The following KCNU1 variants were observed in gnomAD, a reference collection of about 807,000 sequenced individuals.
The protein encoded by KCNU1 is potassium calcium-activated channel subfamily U member 1.
KCNU1 carries 93 observed loss-of-function variants against 126.8 expected under a neutral mutation model. The ratio of observed to expected loss-of-function variants is 0.73; its 90% CI spans 0.62 to 0.87. The LOEUF (loss-of-function observed/expected upper bound fraction) is 0.87. Ranked by LOEUF, KCNU1 falls within the 40% of genes least tolerant of loss-of-function variation. KCNU1 has a pLI of 0.00. For missense variants in KCNU1, 1,330 were observed against 1,367.1 expected, an observed-to-expected ratio of 0.97 and a Z score of 0.43; for synonymous variants, 523 against 494.2, an observed-to-expected ratio of 1.06 and a Z score of -0.77.
intron 19 of KCNU1, among the ~76,000 whole-genome samples, chr8:36,889,775 G>A (rs878878558): frequency 3.3e-5 from 5 of 151,864 alleles, no homozygotes; most frequent in Admixed American, 3.3e-4. Context: ...GGAAAGCTCA[G>A]AAAACAGGTA....
chr8:36,825,403 T>G (rs1804281556), intron 10 of KCNU1, among the ~76,000 whole-genome samples: 1 of 152,178 alleles, frequency 6.6e-6, no homozygotes, highest in Non-Finnish European at 1.5e-5. Context: ...TAAGCTTATT[T>G]CATGTTATAA....
chr8:36,907,522 G>T (rs1033785397), intron 20 of KCNU1, among the ~76,000 whole-genome samples: 2 of 152,126 alleles, frequency 1.3e-5, no homozygotes, highest in Admixed American at 1.3e-4. Flanking sequence ...TAATAGATTT[G>T]GTTAAGATTC....
At chr8:36,848,813 C>T (rs750406871) in intron 18 of KCNU1, among the ~76,000 whole-genome samples, 1 of 152,014 alleles carries the variant, frequency 6.6e-6, no homozygotes, top group Admixed American at 6.6e-5. Flanking sequence ...TCTCCTTGCA[C>T]GTCAGACAAA....
chr8:36,905,652 T>C, intron 19 of KCNU1, 56 bp from the exon 20 acceptor site: 2 of 935,224 alleles, frequency 2.1e-6, no homozygotes, highest in South Asian at 2.6e-5. Context: ...CATCTCGGCT[T>C]TGTTACAGAG....
At chr8:36,854,108 C>A (rs1299669937) in intron 18 of KCNU1, among the ~76,000 whole-genome samples, 1 of 152,130 alleles carries the variant, frequency 6.6e-6, no homozygotes, top group African/African-American at 2.4e-5. Flanking sequence ...GTCATCCTTT[C>A]TACACGATGA....
chr8:36,830,267 T>G (rs1338712989), intron 10 of KCNU1, among the ~76,000 whole-genome samples: 2 of 151,654 alleles, frequency 1.3e-5, no homozygotes, highest in Non-Finnish European at 2.9e-5. Flanking sequence ...AAAAGAGCAG[T>G]GATGATATCT....
intron 19 of KCNU1, among the ~76,000 whole-genome samples, chr8:36,873,109 A>G (rs79786939): frequency 0.017 from 2,604 of 152,180 alleles, 85 homozygotes; most frequent in African/African-American, 0.059. Context: ...CAAACAAACA[A>G]AAAACCCCAA....
chr8:36,845,956 G>A lies in KCNU1; in HGVS notation c.1891+57G>A, dbSNP rs1265378997. 9.9e-6 allele frequency: 10 copies of A among 1,010,900 alleles called. No homozygotes were observed. The Admixed American group carries it at 1.2e-4, about 13-fold the overall frequency. The allele number at this position is 1,010,900 out of a possible 1,614,324, so 62.6% of individuals were successfully genotyped here. A position where few individuals can be genotyped will look rare whatever the true frequency, so the allele number is the denominator to read the frequency against. Reference sequence around the variant, plus strand: ...CCCAGCCTCTAGGGAGCTGCCTGACGAAAGAGAAGAGGGTTCCATCTCTTA... The same window carrying A: ...CCCAGCCTCTAGGGAGCTGCCTGACAAAAGAGAAGAGGGTTCCATCTCTTA... On this transcript the variant is annotated intron_variant, in intron 18 of 26. Coordinates refer to ENST00000399881, the MANE Select transcript of KCNU1 (RefSeq NM_001031836.3).
chr8:36,792,568 C>T (rs1164513293), intron 2 of KCNU1, among the ~76,000 whole-genome samples: 2 of 152,160 alleles, frequency 1.3e-5, no homozygotes, highest in African/African-American at 2.4e-5. Flanking sequence ...TCCACATGCT[C>T]GTTTTCCTTT....
At chr8:36,847,902 A>T (rs979790574) in intron 18 of KCNU1, among the ~76,000 whole-genome samples, 1 of 152,204 alleles carries the variant, frequency 6.6e-6, no homozygotes, top group Non-Finnish European at 1.5e-5. Flanking sequence ...TTTCCATAGC[A>T]GCTATACTAA....
chr8:36,904,294 C>A (rs1258274700), intron 19 of KCNU1, among the ~76,000 whole-genome samples: 1 of 152,136 alleles, frequency 6.6e-6, no homozygotes, highest in African/African-American at 2.4e-5. Context: ...CCCACTGGAG[C>A]AGCTAGGCTA....
chr8:36,922,630 G>A lies in KCNU1; in HGVS notation c.2736+1G>A, dbSNP rs767005008. On this transcript the variant is annotated splice_donor_variant, in intron 24 of 26. Transcript: ENST00000399881. LOFTEE classifies it high-confidence loss of function. ...CTTCTTGGATTCTCTGCTGGCCACG[G>A]TAAGAAAAGCTAAGCCATGGAGCCC... 6.2e-7 allele frequency: 1 copy of A among 1,612,292 alleles called. No homozygotes were observed.
In KCNU1 at chr8:36,864,515, C is replaced by T. The variant is rs1363596089; in HGVS notation, c.2003C>T (p.Thr668Ile). Residue 668 changes from threonine (T) to isoleucine (I), a missense_variant, in exon 19 of 27, where the codon ACC becomes ATC. Physicochemically the swap from Thr to Ile is moderately conservative, Grantham distance 89. This residue lies in a region of KCNU1 where 1,054 missense variants were observed against 1,053.9 expected (regional missense o/e 1.00). Transcript: ENST00000399881. ...AGCACTTCGAGCATATCAAACTTCA[C>T]CACCAGGTAAAAGCTGCAGAGAACC... ...SASTSSISNF[T>I]TRTLQHDVEQ... is the part of the protein sequence containing the mutation. 1 of 1,595,822 alleles carries T rather than the reference C, an allele frequency of 6.3e-7. No homozygotes were observed. The highest frequency in any genetic ancestry group is 2.2e-5 in the East Asian group (1 of 44,760).
At chr8:36,813,286 C>A (rs913919794) in intron 7 of KCNU1, among the ~76,000 whole-genome samples, 1 of 152,110 alleles carries the variant, frequency 6.6e-6, no homozygotes, top group Non-Finnish European at 1.5e-5. Flanking sequence ...GAGCAAACTG[C>A]ATGGTTTCTA....
intron 10 of KCNU1, among the ~76,000 whole-genome samples, chr8:36,832,274 T>A (rs1804581520): frequency 6.6e-6 from 1 of 152,216 alleles, no homozygotes; most frequent in South Asian, 2.1e-4. Flanking sequence ...AACTTTAAAG[T>A]AGTTTTTTCC....
At chr8:36,840,703 C>T in intron 15 of KCNU1, 128 bp downstream of exon 15, 1 of 699,446 alleles carries the variant, frequency 1.4e-6, no homozygotes, top group African/African-American at 1.8e-5. Context: ...GCCCAGGGTC[C>T]CTGAAACTTA....
At chr8:36,882,974 A>G (rs189244498) in intron 19 of KCNU1, among the ~76,000 whole-genome samples, 13 of 151,898 alleles carry the variant, frequency 8.6e-5, no homozygotes, top group Middle Eastern at 6.8e-3. Context: ...TTTTCTATCC[A>G]TCTCTTTTTT....
intron 18 of KCNU1, among the ~76,000 whole-genome samples, chr8:36,853,366 A>G (rs992778642): frequency 2.6e-5 from 4 of 152,208 alleles, no homozygotes; most frequent in African/African-American, 4.8e-5. Flanking sequence ...AAATAAATAA[A>G]TAAGTAGGCA....
chr8:36,862,575 A>T (rs1375969384), intron 18 of KCNU1, among the ~76,000 whole-genome samples: 1 of 152,158 alleles, frequency 6.6e-6, no homozygotes, highest in Non-Finnish European at 1.5e-5. Flanking sequence ...ACACACATGC[A>T]CCTTCTTCCA....
Sources: allele counts gnomAD v4.1 joint callset (sites outside exome capture counted in the v4.1 genomes callset), GRCh38; gene constraint gnomAD v4.1.1; regional missense constraint gnomAD v4.1.1; transcripts MANE v1.5; gene names NCBI Gene and HGNC (gene_info 2026-07-23, HGNC 2026-07-21).